Variants in GABPB1 observed in about 807,000 individuals in gnomAD.
GABPB1 encodes GA-binding protein subunit beta-1.
Under a neutral mutation model 45.9 loss-of-function variants are expected in GABPB1, and 15 were observed. The ratio of observed to expected loss-of-function variants is 0.33; its 90% CI spans 0.22 to 0.50. The LOEUF is 0.50. GABPB1 is among the 20% of genes least tolerant of loss of function. GABPB1 has a pLI of 0.98. For synonymous variants in GABPB1, 143 were observed against 154.4 expected, an observed-to-expected ratio of 0.93 and a Z score of 0.55; for missense variants, 252 against 457.5, an observed-to-expected ratio of 0.55 and a Z score of 4.10.
intron 1 of GABPB1, among the ~76,000 whole-genome samples, chr15:50,326,560 G>A (rs1341622903): frequency 6.6e-6 from 1 of 152,134 alleles, no homozygotes; most frequent in Non-Finnish European, 1.5e-5. Context: ...TGCTGGGGAG[G>A]CTGAGGCAGG....
At chr15:50,279,794 A>G (rs2045919440) in intron 8 of GABPB1, among the ~76,000 whole-genome samples, 1 of 152,190 alleles carries the variant, frequency 6.6e-6, no homozygotes, top group South Asian at 2.1e-4. Flanking sequence ...GACTATCACA[A>G]GAATGATAGG....
chr15:50,337,075 G>GTATATATA lies in GABPB1; in HGVS notation c.-1+17902_-1+17909dup, dbSNP rs869106382. Among the ~76,000 whole-genome samples the GTATATATA allele has an allele frequency of 9.2e-3, 129 of 14,004 alleles. 1 individual carries two copies. Among genetic ancestry groups the GTATATATA allele is most frequent in the Non-Finnish European group, 0.014 (104 of 7,310 alleles). The allele number at this position is 14,004 out of a possible 152,430, so 9.2% of individuals were successfully genotyped here. ...GAAAAAATTACATGTATATGTGTGT[G>GTATATATA]TATATATATATATATATATATATAT... is the stretch of plus-strand genomic sequence containing the variant. On this transcript the variant is annotated intron_variant, in intron 1 of 8. Transcript: ENST00000380877.
chr15:50,306,248 C>T (rs149521148), intron 2 of GABPB1, among the ~76,000 whole-genome samples: 80 of 152,208 alleles, frequency 5.3e-4, no homozygotes, highest in Admixed American at 4.8e-3. Flanking sequence ...GGATTACAAG[C>T]GTAAGCCACT....
intron 1 of GABPB1, among the ~76,000 whole-genome samples, chr15:50,322,902 G>A (rs1314294746): frequency 1.3e-5 from 2 of 152,054 alleles, no homozygotes; most frequent in Non-Finnish European, 1.5e-5. Context: ...GGTGGCACAT[G>A]CCTGTAGTCC....
Position 50,289,606 on chromosome 15 carries a change from T to C in GABPB1, c.760A>G (p.Ser254Gly). ...SVDGAIQQVV[S>G]SGGQQVITIV... ...GTGATGACTTGCTGACCCCCTGAAC[T>C]AACTACTTGCTGAATGGCACCATCC... The change falls in exon 7 of 9, where the codon AGT (serine) becomes GGT (glycine). Residue 254 changes from serine to glycine, a missense_variant. Ser to Gly is a moderately conservative substitution (Grantham distance 56). Coordinates refer to ENST00000380877, the MANE Select transcript of GABPB1 (RefSeq NM_016654.5). 1 of 1,613,440 alleles carries C rather than the reference T, an allele frequency of 6.2e-7. No individual in the cohort carries two copies. Among genetic ancestry groups the C allele is most frequent in the South Asian group, 1.1e-5 (1 of 91,042 alleles).
chr15:50,341,696 G>A (rs995802349), intron 1 of GABPB1, among the ~76,000 whole-genome samples: 20 of 152,164 alleles, frequency 1.3e-4, no homozygotes, highest in African/African-American at 2.7e-4. Flanking sequence ...ATAAGTTAAC[G>A]TTTTATAAGA....
chr15:50,345,298 C>T (rs1313899866), intron 1 of GABPB1, among the ~76,000 whole-genome samples: 1 of 152,188 alleles, frequency 6.6e-6, no homozygotes, highest in Non-Finnish European at 1.5e-5. Flanking sequence ...TCTGAAGCGA[C>T]AATCTGAATT....
In GABPB1 at chr15:50,286,106, C is replaced by T; in HGVS notation, c.961G>A (p.Glu321Lys). 4 of 1,612,336 alleles carry T rather than the reference C, an allele frequency of 2.5e-6. No homozygotes were observed. Among genetic ancestry groups the T allele is most frequent in the Non-Finnish European group, 3.4e-6 (4 of 1,179,128 alleles). Residue 321 changes from glutamate to lysine, a missense_variant, in exon 8 of 9, where the codon GAA becomes AAA. Glu to Lys is a moderately conservative substitution (Grantham distance 56). Transcript: ENST00000380877. ...GATTCCACCCGGTTTTCAATTATTT[C>T]GATACATTGTCTCTTAGCTGGTGGT... ...EEPPAKRQCIEIIENRVESAE... is the reference protein window; with the variant it reads ...EEPPAKRQCIKIIENRVESAE...
chr15:50,289,514 G>T lies in GABPB1; in HGVS notation c.852C>A (p.Pro284=). The T allele has an allele frequency of 6.2e-7, 1 of 1,612,706 alleles. No individual in the cohort carries two copies. Residue 284 remains proline (P), a synonymous_variant, in exon 7 of 9, where the codon CCC becomes CCA. Coordinates refer to ENST00000380877, the MANE Select transcript of GABPB1 (RefSeq NM_016654.5). ...HSIPTSGIGQ[P]IIVTMPDGQQ... ...GTCCATCTGGCATGGTCACAATGATGGGCTGACCAATTCCACTGGTTGGAA... is the reference window on the plus strand; with the variant it reads ...GTCCATCTGGCATGGTCACAATGATTGGCTGACCAATTCCACTGGTTGGAA...
At chr15:50,340,140 A>T (rs938436939) in intron 1 of GABPB1, among the ~76,000 whole-genome samples, 2 of 152,202 alleles carry the variant, frequency 1.3e-5, no homozygotes, top group African/African-American at 4.8e-5. Flanking sequence ...TCCCTTCACC[A>T]TATGAGGGCA....
intron 1 of GABPB1, among the ~76,000 whole-genome samples, chr15:50,317,636 G>A (rs1250684476): frequency 2.0e-5 from 3 of 152,024 alleles, no homozygotes; most frequent in Non-Finnish European, 4.4e-5. Context: ...GAGGCTGGGC[G>A]CGGTGGCTCA....
At chr15:50,305,619 T>C (rs1286804930) in intron 2 of GABPB1, among the ~76,000 whole-genome samples, 1 of 152,196 alleles carries the variant, frequency 6.6e-6, no homozygotes, top group African/African-American at 2.4e-5. Flanking sequence ...TAACTAGCCT[T>C]TTCTATACTC....
intron 1 of GABPB1, among the ~76,000 whole-genome samples, chr15:50,337,446 G>C (rs961945934): frequency 3.3e-5 from 5 of 151,902 alleles, no homozygotes; most frequent in African/African-American, 4.8e-5. Context: ...GACATAAATG[G>C]TTAAAAGTTT....
intron 2 of GABPB1, among the ~76,000 whole-genome samples, chr15:50,307,985 A>G (rs1026190072): frequency 6.6e-6 from 1 of 151,584 alleles, no homozygotes; most frequent in Non-Finnish European, 1.5e-5. Flanking sequence ...ATCTATTTTT[A>G]TCTGTGACAT....
chr15:50,295,578 G>T (rs2046482654), intron 6 of GABPB1, among the ~76,000 whole-genome samples: 1 of 151,350 alleles, frequency 6.6e-6, no homozygotes, highest in African/African-American at 2.4e-5. Flanking sequence ...GTACTACATG[G>T]TGGTAGTTTT....
At chr15:50,282,868 A>G (rs2140968681) in intron 8 of GABPB1, among the ~76,000 whole-genome samples, 1 of 152,258 alleles carries the variant, frequency 6.6e-6, no homozygotes, top group South Asian at 2.1e-4. Flanking sequence ...CAGCCTGGCC[A>G]ACCCGGTAAA....
chr15:50,352,480 G>A (rs1288914908), intron 1 of GABPB1: 3 of 152,040 alleles, frequency 2.0e-5, no homozygotes, highest in South Asian at 2.1e-4. Flanking sequence ...GATTACAAGC[G>A]CGCACCACCA....
intron 7 of GABPB1, 88 bp from the exon 8 acceptor site, chr15:50,286,271 A>C (rs2046150036): frequency 5.9e-6 from 5 of 843,542 alleles, no homozygotes; most frequent in East Asian, 3.1e-5. Flanking sequence ...GATGCTACTC[A>C]TCTAAAATAA....
chr15:50,319,276 T>G (rs1412484404), intron 1 of GABPB1, among the ~76,000 whole-genome samples: 1 of 152,114 alleles, frequency 6.6e-6, no homozygotes, highest in Non-Finnish European at 1.5e-5. Flanking sequence ...TTTTCTTCCT[T>G]AAAAAAAGTT....
Sources: gnomAD v4.1 joint callset for allele counts (sites outside exome capture counted in the v4.1 genomes callset) on GRCh38, gnomAD v4.1.1 for gene constraint, MANE v1.5 for transcripts, NCBI Gene and HGNC (gene_info 2026-07-23, HGNC 2026-07-21) for gene names.